Variants in GRID2IP observed in about 807,000 individuals in gnomAD.
GRID2IP encodes Grid2 interacting protein.
A neutral mutation model predicts 114.3 loss-of-function variants in GRID2IP; 78 were observed. That is an observed-to-expected ratio of 0.68 (90% CI 0.57 to 0.82). The LOEUF is 0.82. Ranked by LOEUF, GRID2IP falls within the 40% of genes least tolerant of loss-of-function variation. The pLI, the probability that GRID2IP is intolerant of heterozygous loss-of-function variation, is 0.00. For synonymous variants in GRID2IP, 809 were observed against 724.0 expected (o/e 1.12, Z -1.89); for missense variants, 1,727 against 1,678.5 (o/e 1.03, Z -0.51).
chr7:6,505,621 A>G (rs1456388120), intron 14 of GRID2IP, among the ~76,000 whole-genome samples, 199 bp downstream of exon 14: 2 of 152,124 alleles, frequency 1.3e-5, no homozygotes, highest in Non-Finnish European at 2.9e-5. Flanking sequence ...CACCCACCTC[A>G]GCCTCCCAAA....
At position 6,522,038 on chromosome 7, in the gene GRID2IP, C is replaced by A. The variant is rs775333257; in HGVS notation, c.920-81G>T. ...GCAGGATGCTATCCTGTTTTACAGG[C>A]GAGAAATGGAGACTCAGAGACCCAT... On this transcript the variant is annotated intron_variant, in intron 4 of 21. Coordinates refer to ENST00000457091, the MANE Select transcript of GRID2IP (RefSeq NM_001145118.2). 4.3e-6 allele frequency: 5 copies of A among 1,163,966 alleles called. No individual in the cohort carries two copies. The Admixed American group carries it at 6.0e-5, about 14-fold the overall frequency. 72.1% of individuals were successfully genotyped at this position (1,163,966 alleles called of 1,614,324 possible). A position where few individuals can be genotyped will look rare whatever the true frequency, so the allele number is the denominator to read the frequency against.
intron 1 of GRID2IP, among the ~76,000 whole-genome samples, chr7:6,543,490 T>A (rs1779843255): frequency 6.6e-6 from 1 of 152,004 alleles, no homozygotes; most frequent in Non-Finnish European, 1.5e-5. Context: ...TCCTGCCACC[T>A]ACTTGTCATT....
rs950763293 is a variant in GRID2IP at position 6,505,870 on chromosome 7, A to G, written c.2582T>C (p.Met861Thr). ...EDSDYDKLSD[M>T]VKYLDLELHF... Reference sequence around the variant, plus strand: ...GAGCTCCAGGTCGAGGTATTTCACCATGTCACTCAGCTTATCGTAGTCAGA... The same window carrying G: ...GAGCTCCAGGTCGAGGTATTTCACCGTGTCACTCAGCTTATCGTAGTCAGA... Residue 861 changes from methionine (M) to threonine (T), a missense_variant, in exon 14 of 22, where the codon ATG (methionine) becomes ACG (threonine). Transcript: ENST00000457091. 2 of 1,552,086 alleles carry G rather than the reference A, an allele frequency of 1.3e-6. No individual in the cohort carries two copies. Among genetic ancestry groups the G allele is most frequent in the Admixed American group, 3.9e-5 (2 of 51,006 alleles).
At chr7:6,540,446 C>A (rs117637251) in intron 1 of GRID2IP, among the ~76,000 whole-genome samples, 3,048 of 151,900 alleles carry the variant, frequency 0.02, 43 homozygotes, top group Non-Finnish European at 0.03. Flanking sequence ...ATCTGCCCTG[C>A]GAAGAGGGCC....
chr7:6,505,135 C>T (rs1786539292), intron 14 of GRID2IP, among the ~76,000 whole-genome samples: 1 of 152,148 alleles, frequency 6.6e-6, no homozygotes, highest in Non-Finnish European at 1.5e-5. Flanking sequence ...CTGTTCCACC[C>T]ATCAACGACA....
At chr7:6,497,871 G>T in intron 21 of GRID2IP, 26 bp from the exon 22 acceptor site, 3 of 1,535,486 alleles carry the variant, frequency 2.0e-6, no homozygotes, top group Non-Finnish European at 2.6e-6. Flanking sequence ...ACAGAGGTAG[G>T]GTGGTCAGTG....
chr7:6,521,510 C>T lies in GRID2IP; in HGVS notation c.1003G>A (p.Asp335Asn), dbSNP rs768073423. ...CCCTGCAGCATGGACACCACCTTGT[C>T]GTGGGAGCAGTTCCTGCCAAGCAGA... is the stretch of plus-strand genomic sequence containing the variant. ...NGLDMRNCSHDKVVSMLQGSG... is the reference protein window; with the variant it reads ...NGLDMRNCSHNKVVSMLQGSG... Residue 335 changes from aspartate (D) to asparagine (N), a missense_variant, in exon 6 of 22, where the codon GAC becomes AAC. By Grantham distance (23) the Asp-to-Asn change is conservative. Transcript: ENST00000457091. This position sits in a 1 kb window ranked among gnomAD's most constrained non-coding sequence, Gnocchi z 4.1. 40 of 1,547,432 alleles carry T rather than the reference C, an allele frequency of 2.6e-5. No homozygotes were observed. In the South Asian group the frequency reaches 3.4e-4, roughly 13 times the overall value.
chr7:6,505,718 C>T, intron 14 of GRID2IP, 102 bp downstream of exon 14: 1 of 728,286 alleles, frequency 1.4e-6, no homozygotes, highest in Non-Finnish European at 2.4e-6. Context: ...GAGGACGCAT[C>T]AGGTTAAATA....
At chr7:6,548,114 AG>A (rs1779914332) in intron 1 of GRID2IP, among the ~76,000 whole-genome samples, 1 of 152,192 alleles carries the variant, frequency 6.6e-6, no homozygotes, top group Non-Finnish European at 1.5e-5. Flanking sequence ...CACTTTTGGA[AG>A]GCCGAGGTAG....
chr7:6,530,708 C>T (rs982717856), intron 2 of GRID2IP, among the ~76,000 whole-genome samples: 1 of 152,146 alleles, frequency 6.6e-6, no homozygotes, highest in Admixed American at 6.6e-5. Flanking sequence ...GACGAGATGC[C>T]CCCGATTTTC....
chr7:6,503,187 T>C, intron 16 of GRID2IP, 24 bp from the exon 17 acceptor site: 1 of 1,489,720 alleles, frequency 6.7e-7, no homozygotes, highest in South Asian at 1.3e-5. Flanking sequence ...AGAGCCAGGA[T>C]TCACCCATCC....
rs1190453173 is a variant in GRID2IP at position 6,519,244 on chromosome 7, G to A, written c.1268+1334C>T. ...ATGTGATGAAGTTTTAAAATGGACC[G>A]TGGTGATGTTTGCACGTATTTGTGA... is the stretch of plus-strand genomic sequence containing the variant. On this transcript the variant is annotated intron_variant, in intron 7 of 21. Transcript: ENST00000457091. The surrounding 1 kb of genome is among the most constrained non-coding windows in gnomAD (Gnocchi z 4.1). 2.0e-5 allele frequency among the ~76,000 whole-genome samples: 3 copies of A among 152,138 alleles called. No individual in the cohort carries two copies. The highest frequency in any genetic ancestry group is 2.9e-5 in the Non-Finnish European group (2 of 68,030).
chr7:6,527,124 G>T (rs572501705), intron 2 of GRID2IP, among the ~76,000 whole-genome samples: 1 of 151,570 alleles, frequency 6.6e-6, no homozygotes, highest in Non-Finnish European at 1.5e-5. Flanking sequence ...CTCTGCACCC[G>T]CCAGGCCAAG....
Position 6,551,114 on chromosome 7 carries a change from C to A in GRID2IP, c.323G>T (p.Gly108Val). ...PTTVLRAPRC[G>V]RGLALGRELL... ...CTCACGGCCCAGAGCTAGGCCGCGG[C>A]CGCACCGCGGGGCCCGCAAGACTGT... Residue 108 changes from glycine to valine, a missense_variant, in exon 1 of 22, where the codon GGC becomes GTC. Coordinates refer to ENST00000457091, the MANE Select transcript of GRID2IP (RefSeq NM_001145118.2). 1 of 1,297,208 alleles carries A rather than the reference C, an allele frequency of 7.7e-7. No homozygotes were observed. The allele number at this position is 1,297,208 out of a possible 1,614,324, so 80.4% of individuals were successfully genotyped here. A position where few individuals can be genotyped will look rare whatever the true frequency, so the allele number is the denominator to read the frequency against.
In GRID2IP at chr7:6,521,993, GGCAGGGTACCACTTTGAGA is replaced by G. The variant is rs1455276681; in HGVS notation, c.920-55_920-37del. On this transcript the variant is annotated intron_variant, in intron 4 of 21. Transcript: ENST00000457091. The surrounding 1 kb of genome is among the most constrained non-coding windows in gnomAD (Gnocchi z 4.1). ...GAAGAGAGGGTGTGCCGGTCAGCTG[GGCAGGGTACCACTTTGAGA>G]GCAGGATGCTATCCTGTTTTACAGG... The G allele has an allele frequency of 1.3e-6, 2 of 1,504,754 alleles. No individual in the cohort carries two copies. Among genetic ancestry groups the G allele is most frequent in the Non-Finnish European group, 1.8e-6 (2 of 1,104,894 alleles). 93.2% of individuals were successfully genotyped at this position (1,504,754 alleles called of 1,614,324 possible). A position where few individuals can be genotyped will look rare whatever the true frequency, so the allele number is the denominator to read the frequency against.
chr7:6,516,575 G>A lies in GRID2IP; in HGVS notation c.1269-2046C>T, dbSNP rs996577734. Among the ~76,000 whole-genome samples, 1 of 151,998 alleles carries A rather than the reference G, an allele frequency of 6.6e-6. No homozygotes were observed. Among genetic ancestry groups the A allele is most frequent in the Non-Finnish European group, 1.5e-5 (1 of 68,010 alleles). On this transcript the variant is annotated intron_variant, in intron 7 of 21. Transcript: ENST00000457091. The surrounding 1 kb of genome is among the most constrained non-coding windows in gnomAD (Gnocchi z 4.3). ...ACCCGTTGCTTAGCAGACCGGGAAA[G>A]GGAGTCTCCCTTTCCTGGTGGAGTT...
At position 6,497,146 on chromosome 7, in the gene GRID2IP, C is replaced by T. The variant is rs1345976972; in HGVS notation, c.*628G>A. ...CTCCCCACTTCCAATTGGGCCACCT[C>T]TACACAGGTTTGGGTTTGTCCACTG... On this transcript the variant is annotated 3_prime_UTR_variant, in exon 22 of 22. Transcript: ENST00000457091. 6.6e-6 allele frequency among the ~76,000 whole-genome samples: 1 copy of T among 152,214 alleles called. No homozygotes were observed. Among genetic ancestry groups the T allele is most frequent in the Non-Finnish European group, 1.5e-5 (1 of 68,046 alleles).
chr7:6,509,371 C>A lies in GRID2IP; in HGVS notation c.1772-58G>T. Reference sequence around the variant, plus strand: ...TCAGCCAGCACCGAGGTTCCAGGTGCAAGCTGGAGAGAGGGTCCTAGGACA... The same window carrying A: ...TCAGCCAGCACCGAGGTTCCAGGTGAAAGCTGGAGAGAGGGTCCTAGGACA... On this transcript the variant is annotated intron_variant, in intron 11 of 21. Transcript: ENST00000457091. This position sits in a 1 kb window ranked among gnomAD's most constrained non-coding sequence, Gnocchi z 4.9. 2 of 1,415,148 alleles carry A rather than the reference C, an allele frequency of 1.4e-6. No individual in the cohort carries two copies. Among genetic ancestry groups the A allele is most frequent in the Non-Finnish European group, 1.9e-6 (2 of 1,065,744 alleles). 87.7% of individuals were successfully genotyped at this position (1,415,148 alleles called of 1,614,324 possible).
chr7:6,521,048 G>A lies in GRID2IP; in HGVS notation c.1085-287C>T, dbSNP rs1779402319. 6.6e-6 allele frequency among the ~76,000 whole-genome samples: 1 copy of A among 152,210 alleles called. No homozygotes were observed. Among genetic ancestry groups the A allele is most frequent in the Non-Finnish European group, 1.5e-5 (1 of 68,030 alleles). On this transcript the variant is annotated intron_variant, in intron 6 of 21. Transcript: ENST00000457091. This position sits in a 1 kb window ranked among gnomAD's most constrained non-coding sequence, Gnocchi z 4.1. ...TGCAATGGCGTGATCTCGGCTCACT[G>A]CAACCTCCGCTTCCTGGGTTCAAGT...
Sources: gnomAD v4.1 joint callset for allele counts (sites outside exome capture counted in the v4.1 genomes callset) on GRCh38, gnomAD v4.1.1 for gene constraint, Gnocchi (gnomAD v3.1) non-coding constraint, MANE v1.5 for transcripts, NCBI Gene and HGNC (gene_info 2026-07-23, HGNC 2026-07-21) for gene names.